ZSWIM4: variants seen among roughly 807,000 people sequenced by gnomAD.
ZSWIM4 encodes zinc finger SWIM-type containing 4.
In ZSWIM4, 62 loss-of-function variants were observed where a neutral mutation model predicts 102.5. The observed-to-expected ratio is 0.60, with a 90% CI of 0.49 to 0.75. The LOEUF is 0.75. Ranked by LOEUF, ZSWIM4 falls within the 30% of genes least tolerant of loss-of-function variation. The pLI, the probability that ZSWIM4 is intolerant of heterozygous loss-of-function variation, is 0.00. For missense variants in ZSWIM4, 1,280 were observed against 1,529.6 expected (o/e 0.84, Z 2.72); for synonymous variants, 652 against 674.5 (o/e 0.97, Z 0.52).
Position 13,823,349 on chromosome 19 carries a change from G to A in ZSWIM4, c.2064G>A (p.Leu688=). The A allele has an allele frequency of 6.2e-7, 1 of 1,613,352 alleles. No homozygotes were observed. The highest frequency in any genetic ancestry group is 8.5e-7 in the Non-Finnish European group (1 of 1,179,572). Residue 688 remains leucine (L), a synonymous_variant, in exon 11 of 14, where the codon CTG becomes CTA. Transcript: ENST00000590508. ...GCTCACTTCTCCCCTTACCCAGGCT[G>A]CCCATACTGGAGACAGCATTTCCTG... is the stretch of plus-strand genomic sequence containing the variant. The part of the protein sequence containing the change: ...AYRLALRAMR[L]PILETAFPAG...
At chr19:13,817,699 A>T in intron 8 of ZSWIM4, 23 bp from the exon 9 acceptor site, 1 of 1,606,228 alleles carries the variant, frequency 6.2e-7, no homozygotes, top group South Asian at 1.1e-5. Flanking sequence ...CGTCTCCAGC[A>T]GCCCTGGCCC....
rs535245360 is a variant in ZSWIM4, at chr19:13,827,580, G to A, written c.2380-1065G>A. On this transcript the variant is annotated intron_variant, in intron 12 of 13. Coordinates refer to ENST00000590508, the MANE Select transcript of ZSWIM4 (RefSeq NM_001367834.3). ...TGCACTTCAGCCCCGGCGACAGAGT[G>A]AGACCCTCAAAAAAAAAAAAAAAAA... Among the ~76,000 whole-genome samples the A allele has an allele frequency of 2.6e-4, 31 of 120,454 alleles. No homozygotes were observed. In the East Asian group the frequency reaches 5.7e-3, roughly 22 times the overall value. 79.0% of individuals were successfully genotyped at this position (120,454 alleles called of 152,430 possible).
intron 10 of ZSWIM4, among the ~76,000 whole-genome samples, chr19:13,820,542 G>A (rs900521592): frequency 6.6e-6 from 1 of 152,164 alleles, no homozygotes; most frequent in Admixed American, 6.6e-5. Context: ...GGCTAAATGT[G>A]TAATATTATT....
intron 1 of ZSWIM4, among the ~76,000 whole-genome samples, chr19:13,797,484 A>G (rs1177334149): frequency 6.6e-6 from 1 of 152,240 alleles, no homozygotes; most frequent in Non-Finnish European, 1.5e-5. Flanking sequence ...TCTCCCAGCT[A>G]TAAAACAGGT....
Position 13,830,448 on chromosome 19 carries a change from C to A in ZSWIM4, c.2719C>A (p.Gln907Lys). ...CCACTCGGCCTTCGAGGCGGCCTAC[C>A]AGATCGTGCTGGACGCGGCGGCCGG... ...KNHSAFEAAY[Q>K]IVLDAAAGGL... Residue 907 changes from glutamine to lysine, a missense_variant, in exon 14 of 14, where the codon CAG becomes AAG. Transcript: ENST00000590508. 7 of 1,607,894 alleles carry A rather than the reference C, an allele frequency of 4.4e-6. No individual in the cohort carries two copies. The highest frequency in any genetic ancestry group is 5.9e-6 in the Non-Finnish European group (7 of 1,179,888).
chr19:13,800,055 A>G (rs1291164302), intron 2 of ZSWIM4, 134 bp downstream of exon 2: 1 of 565,678 alleles, frequency 1.8e-6, no homozygotes, highest in Non-Finnish European at 2.9e-6. Context: ...CCCAGATAGG[A>G]TTGTACAAGA....
At chr19:13,827,612 AG>A (rs1384317806) in intron 12 of ZSWIM4, among the ~76,000 whole-genome samples, 12 of 151,052 alleles carry the variant, frequency 7.9e-5, no homozygotes, top group African/African-American at 2.9e-4. Flanking sequence ...AAAAAAGAAA[AG>A]AAAAAAAAAG....
rs1019785395 is a variant in ZSWIM4 at position 13,823,363 on chromosome 19, C to T, written c.2078C>T (p.Thr693Ile). 6.2e-7 allele frequency: 1 copy of T among 1,614,016 alleles called. No homozygotes were observed. The highest frequency in any genetic ancestry group is 2.2e-5 in the East Asian group (1 of 44,880). Reference sequence around the variant, plus strand: ...TTACCCAGGCTGCCCATACTGGAGACAGCATTTCCTGCTGGAGAACCTCAT... The same window carrying T: ...TTACCCAGGCTGCCCATACTGGAGATAGCATTTCCTGCTGGAGAACCTCAT... ...LRAMRLPILE[T>I]AFPAGEPHPS... Residue 693 changes from threonine to isoleucine, a missense_variant, in exon 11 of 14, where the codon ACA (threonine) becomes ATA (isoleucine). Coordinates refer to ENST00000590508, the MANE Select transcript of ZSWIM4 (RefSeq NM_001367834.3).
At chr19:13,812,953 G>T in intron 5 of ZSWIM4, 44 bp from the exon 6 acceptor site, 1 of 1,560,314 alleles carries the variant, frequency 6.4e-7, no homozygotes, top group Non-Finnish European at 8.7e-7. Flanking sequence ...GTGTGTTGCT[G>T]CCACTGTTGG....
At chr19:13,800,116 G>T (rs1213666235) in intron 2 of ZSWIM4, among the ~76,000 whole-genome samples, 195 bp downstream of exon 2, 1 of 141,910 alleles carries the variant, frequency 7.0e-6, no homozygotes, top group African/African-American at 2.8e-5. Flanking sequence ...GGCCCAGGCC[G>T]GAGTGCAGTG....
rs898448503 is a variant in ZSWIM4, at chr19:13,825,570, A to G, written c.2236A>G (p.Thr746Ala). 3.7e-6 allele frequency: 6 copies of G among 1,614,098 alleles called. No individual in the cohort carries two copies. Among genetic ancestry groups the G allele is most frequent in the Middle Eastern group, 1.6e-4 (1 of 6,062 alleles). The change falls in exon 12 of 14, where the codon ACG (threonine) becomes GCG (alanine). Residue 746 changes from threonine to alanine, a missense_variant. Coordinates refer to ENST00000590508, the MANE Select transcript of ZSWIM4 (RefSeq NM_001367834.3). The surrounding 1 kb of genome is among the most constrained non-coding windows in gnomAD (Gnocchi z 4.6). Reference sequence around the variant, plus strand: ...CCCAGGAGACCCCAAGTGGCTGCACACGGTACTGGGCTCCATCCAGCAGAA... The same window carrying G: ...CCCAGGAGACCCCAAGTGGCTGCACGCGGTACTGGGCTCCATCCAGCAGAA... Reference protein sequence around the residue: ...AAKGDPKWLHTVLGSIQQNIH... With the variant: ...AAKGDPKWLHAVLGSIQQNIH...
At chr19:13,819,545 G>A (rs868309880) in intron 10 of ZSWIM4, 53 bp downstream of exon 10, 498 of 1,534,646 alleles carry the variant, frequency 3.2e-4, no homozygotes, top group Non-Finnish European at 4.0e-4. Context: ...GAAGAGGGGC[G>A]GGCATGGGGG....
chr19:13,797,986 G>A (rs985502410), intron 1 of ZSWIM4, among the ~76,000 whole-genome samples: 4 of 152,196 alleles, frequency 2.6e-5, no homozygotes, highest in Non-Finnish European at 4.4e-5. Context: ...GAAAGCTTAC[G>A]AATTTGTGTT....
In ZSWIM4 at chr19:13,795,811, G is replaced by A. The variant is rs1038963979; in HGVS notation, c.153+10G>A. On this transcript the variant is annotated intron_variant, in intron 1 of 13. Transcript: ENST00000590508. ...CTGGGCCTTCGAGCAGGTGACCGCG[G>A]GGGAAGGGGGCGGGGGCAGGGACGC... The A allele has an allele frequency of 6.4e-6, 8 of 1,245,934 alleles. No individual in the cohort carries two copies. The highest frequency in any genetic ancestry group is 1.5e-5 in the African/African-American group (1 of 65,154). 77.2% of individuals were successfully genotyped at this position (1,245,934 alleles called of 1,614,324 possible). A position where few individuals can be genotyped will look rare whatever the true frequency, so the allele number is the denominator to read the frequency against.
At chr19:13,829,096 C>T (rs1975687649) in intron 13 of ZSWIM4, among the ~76,000 whole-genome samples, 1 of 148,436 alleles carries the variant, frequency 6.7e-6, no homozygotes, top group Admixed American at 6.6e-5. Context: ...AGAGGAAAAC[C>T]TCCTCTGGGA....
chr19:13,824,728 A>G (rs982813552), intron 11 of ZSWIM4, among the ~76,000 whole-genome samples: 2 of 147,398 alleles, frequency 1.4e-5, no homozygotes, highest in Admixed American at 1.4e-4. Context: ...ACAAAACTCC[A>G]TCTCAAAATA....
At position 13,830,531 on chromosome 19, in the gene ZSWIM4, G is replaced by A. The variant is rs1257624632; in HGVS notation, c.2802G>A (p.Leu934=). 4 of 1,599,422 alleles carry A rather than the reference G, an allele frequency of 2.5e-6. No individual in the cohort carries two copies. Among genetic ancestry groups the A allele is most frequent in the East Asian group, 2.2e-5 (1 of 44,848 alleles). ...CCCGCTATATGGAGCACCGCGGGCT[G>A]CCGCTCCGGGCCTACAAGCTGGCGA... ...TVARYMEHRG[L]PLRAYKLATL... is the part of the protein sequence containing the mutation. The change falls in exon 14 of 14, where the codon CTG becomes CTA. Residue 934 remains leucine, a synonymous_variant. Coordinates refer to ENST00000590508, the MANE Select transcript of ZSWIM4 (RefSeq NM_001367834.3).
chr19:13,809,226 G>T lies in ZSWIM4; in HGVS notation c.1012+6G>T. On this transcript the variant is annotated splice_donor_region_variant and intron_variant, in intron 5 of 13. Coordinates refer to ENST00000590508, the MANE Select transcript of ZSWIM4 (RefSeq NM_001367834.3). This position sits in a 1 kb window ranked among gnomAD's most constrained non-coding sequence, Gnocchi z 4.2. The stretch of plus-strand genomic sequence containing the variant: ...GCAGCTCTGGGATGAGCTGGGTGAG[G>T]CCCAAACCCCGGTGCGTGGTGGACA... The T allele has an allele frequency of 6.3e-7, 1 of 1,594,866 alleles. No homozygotes were observed.
chr19:13,803,303 G>C (rs1974823566), intron 2 of ZSWIM4, among the ~76,000 whole-genome samples: 2 of 152,204 alleles, frequency 1.3e-5, no homozygotes, highest in Non-Finnish European at 2.9e-5. Flanking sequence ...GAGGGGCAGG[G>C]GGAGTGAAGG....
Sources: gnomAD v4.1 joint callset for allele counts (sites outside exome capture counted in the v4.1 genomes callset) on GRCh38, gnomAD v4.1.1 for gene constraint, Gnocchi (gnomAD v3.1) non-coding constraint, MANE v1.5 for transcripts, NCBI Gene and HGNC (gene_info 2026-07-23, HGNC 2026-07-21) for gene names.